FHIT: variants seen among roughly 807,000 people sequenced by gnomAD.
FHIT encodes fragile histidine triad diadenosine triphosphatase, also known as bis(5'-adenosyl)-triphosphatase.
A neutral mutation model predicts 17.9 loss-of-function variants in FHIT; 19 were observed. The observed-to-expected ratio is 1.06, with a 90% CI of 0.74 to 1.56. The LOEUF is 1.56. FHIT is among the 40% of genes most tolerant of loss of function. The pLI, the probability that FHIT is intolerant of heterozygous loss-of-function variation, is 0.00. For missense variants in FHIT, 248 were observed against 189.2 expected, an observed-to-expected ratio of 1.31 and a Z score of -1.82; for synonymous variants, 81 against 69.7, an observed-to-expected ratio of 1.16 and a Z score of -0.81.
At chr3:60,353,727 C>G (rs1401871777) in intron 5 of FHIT, among the ~76,000 whole-genome samples, 1 of 151,840 alleles carries the variant, frequency 6.6e-6, no homozygotes, top group Non-Finnish European at 1.5e-5. Context: ...AGCCAATTCC[C>G]AGAAGTATTT....
chr3:60,393,920 C>A (rs540345604), intron 5 of FHIT, among the ~76,000 whole-genome samples: 1 of 152,284 alleles, frequency 6.6e-6, no homozygotes, highest in South Asian at 2.1e-4. Flanking sequence ...TCAGTAATAA[C>A]TGCAAGAGAG....
At chr3:59,971,334 C>T (rs148335373) in intron 7 of FHIT, among the ~76,000 whole-genome samples, 2,546 of 152,172 alleles carry the variant, frequency 0.017, 42 homozygotes, top group Middle Eastern at 0.024. Context: ...ATGGGAGAGG[C>T]ACCACTATTA....
At chr3:60,050,283 C>A (rs1404333318) in intron 5 of FHIT, among the ~76,000 whole-genome samples, 2 of 152,126 alleles carry the variant, frequency 1.3e-5, no homozygotes, top group African/African-American at 2.4e-5. Flanking sequence ...GAACACAAAT[C>A]TTTAATTATA....
intron 5 of FHIT, among the ~76,000 whole-genome samples, chr3:60,323,873 G>A (rs1709546146): frequency 6.6e-6 from 1 of 152,110 alleles, no homozygotes; most frequent in Admixed American, 6.5e-5. Context: ...TTTGTTATAA[G>A]GAAGATTAGC....
intron 2 of FHIT, among the ~76,000 whole-genome samples, chr3:61,135,473 G>C (rs2036888156): frequency 6.6e-6 from 1 of 152,112 alleles, no homozygotes; most frequent in African/African-American, 2.4e-5. Context: ...ATTTTATAAA[G>C]GAAGGAACTG....
At chr3:60,749,361 G>T (rs76883517) in intron 4 of FHIT, among the ~76,000 whole-genome samples, 7,417 of 152,072 alleles carry the variant, frequency 0.049, 588 homozygotes, top group African/African-American at 0.17. Flanking sequence ...ATAATCTTCA[G>T]ACCAACTCTG....
At chr3:61,039,350 C>T (rs77598680) in intron 3 of FHIT, among the ~76,000 whole-genome samples, 8,050 of 152,202 alleles carry the variant, frequency 0.053, 354 homozygotes, top group Non-Finnish European at 0.075. Context: ...ATCGTGAAAT[C>T]CTTACTGGGA....
intron 4 of FHIT, among the ~76,000 whole-genome samples, chr3:60,574,539 G>C (rs1191435251): frequency 6.6e-6 from 1 of 151,970 alleles, no homozygotes; most frequent in Non-Finnish European, 1.5e-5. Context: ...ATATATTGTG[G>C]AGCACTCACG....
At chr3:60,491,624 A>C (rs1026802554) in intron 5 of FHIT, among the ~76,000 whole-genome samples, 4 of 152,216 alleles carry the variant, frequency 2.6e-5, no homozygotes, top group African/African-American at 9.6e-5. Context: ...TTTATATCAC[A>C]AGTTATTAAT....
At chr3:59,807,707 G>T (rs1220923977) in intron 8 of FHIT, among the ~76,000 whole-genome samples, 1 of 152,142 alleles carries the variant, frequency 6.6e-6, no homozygotes, top group African/African-American at 2.4e-5. Context: ...CAGGATCAGG[G>T]GTTTCAAAGA....
chr3:60,670,767 T>G (rs2040487931), intron 4 of FHIT, among the ~76,000 whole-genome samples: 1 of 152,204 alleles, frequency 6.6e-6, no homozygotes, highest in Non-Finnish European at 1.5e-5. Flanking sequence ...TGTTAACATT[T>G]CTGATTTGGG....
rs189090199 is a variant in FHIT at position 60,312,310 on chromosome 3, T to A, written c.103+224550A>T. The stretch of plus-strand genomic sequence containing the variant: ...ACCATCATGCCTGGCTGATTTTTTT[T>A]AAAAATTTTTTTGTACAGACAAGGT... On this transcript the variant is annotated intron_variant, in intron 5 of 9. Coordinates refer to ENST00000492590, the MANE Select transcript of FHIT (RefSeq NM_002012.4). Among the ~76,000 whole-genome samples the A allele has an allele frequency of 5.1e-3, 782 of 152,120 alleles. 9 individuals are homozygous for A. The highest frequency in any genetic ancestry group is 0.026 in the South Asian group (125 of 4,814).
At chr3:59,872,414 A>G (rs1702964033) in intron 8 of FHIT, among the ~76,000 whole-genome samples, 1 of 152,216 alleles carries the variant, frequency 6.6e-6, no homozygotes. Context: ...AGCAGTACTT[A>G]TTTAAAACAT....
chr3:60,750,429 T>A (rs1362437599), intron 4 of FHIT, among the ~76,000 whole-genome samples: 1 of 152,138 alleles, frequency 6.6e-6, no homozygotes, highest in Non-Finnish European at 1.5e-5. Context: ...TTCCCACATG[T>A]TGTGGGAGGA....
At chr3:60,872,428 G>A (rs1553755217) in intron 3 of FHIT, among the ~76,000 whole-genome samples, 4 of 152,010 alleles carry the variant, frequency 2.6e-5, no homozygotes, top group African/African-American at 9.7e-5. Flanking sequence ...TCACATCAGT[G>A]GGATATCTTT....
intron 2 of FHIT, among the ~76,000 whole-genome samples, chr3:61,142,133 A>C (rs1387918449): frequency 6.7e-6 from 1 of 148,986 alleles, no homozygotes; most frequent in South Asian, 2.1e-4. Flanking sequence ...TTTTTTTTTT[A>C]TCTGAGAATT....
chr3:60,178,848 G>A (rs1383012787), intron 5 of FHIT, among the ~76,000 whole-genome samples: 1 of 152,114 alleles, frequency 6.6e-6, no homozygotes, highest in Non-Finnish European at 1.5e-5. Flanking sequence ...TAAAGACCCT[G>A]AGAAGTTCTG....
intron 4 of FHIT, among the ~76,000 whole-genome samples, chr3:60,794,496 C>G (rs1014539969): frequency 3.3e-5 from 5 of 152,070 alleles, no homozygotes; most frequent in Admixed American, 3.3e-4. Context: ...TTATACTTGA[C>G]AGCATTTTAG....
At chr3:60,192,581 T>C (rs1702455059) in intron 5 of FHIT, among the ~76,000 whole-genome samples, 1 of 152,224 alleles carries the variant, frequency 6.6e-6, no homozygotes. Flanking sequence ...CCATGCTCTC[T>C]ACAGGGCATT....
Sources: gnomAD v4.1 joint callset for allele counts (sites outside exome capture counted in the v4.1 genomes callset) on GRCh38, gnomAD v4.1.1 for gene constraint, MANE v1.5 for transcripts, NCBI Gene and HGNC (gene_info 2026-07-23, HGNC 2026-07-21) for gene names.